POC1B: variants seen among roughly 807,000 people sequenced by gnomAD.
POC1B encodes POC1 centriolar protein B, also known as POC1 centriolar protein homolog B.
Under a neutral mutation model 60.6 loss-of-function variants are expected in POC1B, and 44 were observed. The observed-to-expected ratio is 0.73, with a 90% CI of 0.57 to 0.93. POC1B has a LOEUF of 0.93. POC1B is among the 40% of genes least tolerant of loss of function. POC1B has a pLI of 0.00. For missense variants in POC1B, 555 were observed against 572.3 expected, an observed-to-expected ratio of 0.97 and a Z score of 0.31; for synonymous variants, 180 against 198.9, an observed-to-expected ratio of 0.90 and a Z score of 0.80.
chr12:89,425,142 C>T lies in POC1B; in HGVS notation c.1332+19G>A. 4 of 1,611,842 alleles carry T rather than the reference C, an allele frequency of 2.5e-6. No individual in the cohort carries two copies. Among genetic ancestry groups the T allele is most frequent in the Non-Finnish European group, 3.4e-6 (4 of 1,178,182 alleles). ...ATTTTACCCCCAAGTGCAACTCATG[C>T]AACCTGTGTCATGCCCACCTGTGTC... On this transcript the variant is annotated intron_variant, in intron 11 of 11. Transcript: ENST00000313546.
Position 89,522,795 on chromosome 12 carries a change from C to T in POC1B, c.100+2325G>A, listed in dbSNP as rs375374574. The T allele has an allele frequency of 3.4e-5, 52 of 1,545,364 alleles. No individual in the cohort carries two copies. The African/African-American group carries it at 4.7e-4, about 14-fold the overall frequency. ...TCTTGACACTACTGTCAGCTCATGA[C>T]GAAAGTGCTGTTGTGCTCTATTTCT... On this transcript the variant is annotated intron_variant, in intron 2 of 11. Coordinates refer to ENST00000313546, the MANE Select transcript of POC1B (RefSeq NM_172240.3).
At chr12:89,452,997 C>G (rs1882116002) in intron 10 of POC1B, among the ~76,000 whole-genome samples, 1 of 152,122 alleles carries the variant, frequency 6.6e-6, no homozygotes, top group Admixed American at 6.5e-5. Flanking sequence ...TTTCCAGTCT[C>G]TAATATTTTC....
intron 2 of POC1B, among the ~76,000 whole-genome samples, chr12:89,504,157 A>G (rs2135751518): frequency 6.6e-6 from 1 of 152,384 alleles, no homozygotes; most frequent in Non-Finnish European, 1.5e-5. Flanking sequence ...GGTTTTGTGG[A>G]ATAGAAAAGG....
intron 2 of POC1B, among the ~76,000 whole-genome samples, chr12:89,503,715 T>C (rs1438314141): frequency 6.9e-6 from 1 of 145,056 alleles, no homozygotes; most frequent in Non-Finnish European, 1.5e-5. Flanking sequence ...GTGAGGAGCG[T>C]CTCTGCCCGG....
At position 89,471,725 on chromosome 12, in the gene POC1B, C is replaced by G; in HGVS notation, c.565G>C (p.Ala189Pro). The G allele has an allele frequency of 6.4e-7, 1 of 1,554,380 alleles. No individual in the cohort carries two copies. The change falls in exon 6 of 12, where the codon GCA becomes CCA. Residue 189 changes from alanine to proline, a missense_variant. By Grantham distance (27) the Ala-to-Pro change is conservative. Transcript: ENST00000313546. ...VNNFSDSVGF[A>P]NFVDFNPSGT... The stretch of plus-strand genomic sequence containing the variant: ...CTAGGGTTAAAGTCCACAAAATTTG[C>G]AAATCTAGGAGGAAAGAATAAGATG...
intron 2 of POC1B, among the ~76,000 whole-genome samples, chr12:89,517,989 T>C (rs750240036): frequency 6.6e-6 from 1 of 152,024 alleles, no homozygotes; most frequent in Non-Finnish European, 1.5e-5. Flanking sequence ...GCAGTAGATA[T>C]CACTCCCAGC....
intron 2 of POC1B, chr12:89,520,745 G>A (rs1870780373): frequency 6.6e-6 from 1 of 152,184 alleles, no homozygotes; most frequent in Admixed American, 6.5e-5. Context: ...AAGTCATCAA[G>A]TGAACACTAA....
chr12:89,497,536 C>G (rs1869319398), intron 2 of POC1B, among the ~76,000 whole-genome samples, 194 bp from the exon 3 acceptor site: 1 of 152,202 alleles, frequency 6.6e-6, no homozygotes, highest in South Asian at 2.1e-4. Context: ...GCAAGCTTGG[C>G]TGTGTCCTAT....
intron 2 of POC1B, among the ~76,000 whole-genome samples, chr12:89,510,763 CT>C (rs56654469): frequency 2.4e-4 from 34 of 139,002 alleles, no homozygotes; most frequent in Non-Finnish European, 2.4e-4. Flanking sequence ...TGTTTTTATT[CT>C]TTTTTTTTTT....
intron 4 of POC1B, among the ~76,000 whole-genome samples, chr12:89,475,006 G>A (rs1298512214): frequency 6.6e-6 from 1 of 152,192 alleles, no homozygotes; most frequent in East Asian, 1.9e-4. Flanking sequence ...GGGCACTGCT[G>A]TGGGTAGTAG....
the POC1B span, among the ~76,000 whole-genome samples, chr12:89,402,905 A>G: frequency 2.6e-5 from 4 of 151,984 alleles, no homozygotes; most frequent in African/African-American, 9.7e-5. Context: ...AGTAGAGACT[A>G]AAAATGTTTC....
intron 1 of POC1B, 190 bp from the exon 2 acceptor site, chr12:89,525,394 G>A (rs1406112822): frequency 3.6e-6 from 5 of 1,391,642 alleles, no homozygotes; most frequent in African/African-American, 1.5e-5. Context: ...GGGAGACGCC[G>A]GCGCCAGCTC....
chr12:89,478,076 C>G (rs1883184863), intron 4 of POC1B, among the ~76,000 whole-genome samples: 1 of 147,542 alleles, frequency 6.8e-6, no homozygotes, highest in Admixed American at 6.9e-5. Context: ...TGCCCACAAC[C>G]ACATTCATTC....
At chr12:89,441,550 G>T (rs1023375787) in intron 10 of POC1B, among the ~76,000 whole-genome samples, 1 of 152,164 alleles carries the variant, frequency 6.6e-6, no homozygotes, top group African/African-American at 2.4e-5. Flanking sequence ...TGCAGCTGAG[G>T]GTCCTGACTG....
chr12:89,514,131 G>A (rs2135761352), intron 2 of POC1B, among the ~76,000 whole-genome samples: 1 of 152,202 alleles, frequency 6.6e-6, no homozygotes, highest in African/African-American at 2.4e-5. Context: ...GGGCCTGGAG[G>A]GACATGATTG....
the POC1B span, among the ~76,000 whole-genome samples, chr12:89,404,379 C>A: frequency 6.6e-6 from 1 of 152,134 alleles, no homozygotes; most frequent in South Asian, 2.1e-4. Context: ...GTTTGTCTTA[C>A]TAAGGACAGT....
intron 2 of POC1B, chr12:89,524,547 C>T (rs779259981): frequency 1.2e-6 from 2 of 1,611,204 alleles, no homozygotes; most frequent in Non-Finnish European, 1.7e-6. Flanking sequence ...ACCTCACCGC[C>T]ATCCGGATTC....
intron 4 of POC1B, among the ~76,000 whole-genome samples, chr12:89,488,690 T>C (rs1868777205): frequency 6.6e-6 from 1 of 152,094 alleles, no homozygotes; most frequent in Non-Finnish European, 1.5e-5. Flanking sequence ...TTTCATCATG[T>C]TGGCCAGGCT....
chr12:89,438,287 C>A (rs554752801), intron 10 of POC1B, among the ~76,000 whole-genome samples: 4 of 152,158 alleles, frequency 2.6e-5, no homozygotes, highest in African/African-American at 9.6e-5. Context: ...GAAACCCCGT[C>A]TCTACTAAAA....
Sources: allele counts gnomAD v4.1 joint callset (sites outside exome capture counted in the v4.1 genomes callset), GRCh38; gene constraint gnomAD v4.1.1; transcripts MANE v1.5; gene names NCBI Gene and HGNC (gene_info 2026-07-23, HGNC 2026-07-21).